The following LARS2 variants were observed in gnomAD, a reference collection of about 807,000 sequenced individuals.
LARS2 encodes leucyl-tRNA synthetase 2, mitochondrial.
LARS2 carries 81 observed loss-of-function variants against 116.6 expected under a neutral mutation model. The observed-to-expected ratio is 0.69, with a 90% CI of 0.58 to 0.84. LARS2 has a LOEUF of 0.84. LARS2 is among the 40% of genes least tolerant of loss of function. The pLI, the probability that LARS2 is intolerant of heterozygous loss-of-function variation, is 0.00. For missense variants in LARS2, 968 were observed against 1,114.5 expected (o/e 0.87, Z 1.87); for synonymous variants, 396 against 407.2 (o/e 0.97, Z 0.33).
intron 8 of LARS2, among the ~76,000 whole-genome samples, chr3:45,460,794 C>T (rs1699309343): frequency 6.6e-6 from 1 of 152,004 alleles, no homozygotes; most frequent in Middle Eastern, 3.2e-3. Context: ...ATAGTTGAGA[C>T]CCCCAAAAAG....
intron 10 of LARS2, among the ~76,000 whole-genome samples, chr3:45,478,893 A>C (rs1699656232): frequency 6.6e-6 from 1 of 152,200 alleles, no homozygotes. Flanking sequence ...CAGATTACCT[A>C]GGAATGTATG....
At chr3:45,531,755 A>G (rs1202035994) in intron 20 of LARS2, among the ~76,000 whole-genome samples, 2 of 152,210 alleles carry the variant, frequency 1.3e-5, no homozygotes, top group South Asian at 2.1e-4. Context: ...TTGTTTTGAT[A>G]TATGTACACA....
chr3:45,482,738 T>A (rs924569499), intron 10 of LARS2, among the ~76,000 whole-genome samples: 6 of 152,236 alleles, frequency 3.9e-5, no homozygotes, highest in African/African-American at 4.8e-5. Context: ...TTTCTTAGGA[T>A]ACAAGTTCAG....
chr3:45,409,609 C>G (rs2125681085), intron 4 of LARS2, among the ~76,000 whole-genome samples: 1 of 152,232 alleles, frequency 6.6e-6, no homozygotes, highest in South Asian at 2.1e-4. Context: ...TTGTTTCCCC[C>G]TTGACAGTGG....
At chr3:45,471,846 A>G (rs890501872) in intron 8 of LARS2, among the ~76,000 whole-genome samples, 2 of 152,360 alleles carry the variant, frequency 1.3e-5, no homozygotes, top group Middle Eastern at 3.4e-3. Flanking sequence ...ATTCTAGAGT[A>G]CTTAATTTTA....
chr3:45,516,924 C>A (rs569025687), intron 17 of LARS2, among the ~76,000 whole-genome samples: 1 of 152,298 alleles, frequency 6.6e-6, no homozygotes, highest in African/African-American at 2.4e-5. Flanking sequence ...TAAACCCGTC[C>A]AACAGTCATT....
chr3:45,511,748 C>G (rs578146816), intron 15 of LARS2, among the ~76,000 whole-genome samples: 53 of 151,400 alleles, frequency 3.5e-4, no homozygotes, highest in African/African-American at 1.2e-3. Context: ...TTCCCAGCCC[C>G]TTCTTGAGGC....
intron 6 of LARS2, among the ~76,000 whole-genome samples, chr3:45,434,781 G>A (rs533946781): frequency 6.6e-6 from 1 of 152,132 alleles, no homozygotes; most frequent in South Asian, 2.1e-4. Context: ...TGGATATGGA[G>A]TCCGGGATCT....
At chr3:45,520,071 CAT>C in intron 18 of LARS2, 146 bp from the exon 19 acceptor site, 1 of 619,508 alleles carries the variant, frequency 1.6e-6, no homozygotes, top group Admixed American at 2.7e-5. Context: ...GTAGATGAAA[CAT>C]AGCGATTATT....
chr3:45,406,422 G>A (rs1201997968), intron 4 of LARS2, among the ~76,000 whole-genome samples: 2 of 152,122 alleles, frequency 1.3e-5, no homozygotes, highest in African/African-American at 2.4e-5. Context: ...GAATGGGATC[G>A]GATGCTCCAC....
intron 10 of LARS2, 69 bp from the exon 11 acceptor site, chr3:45,485,622 TC>T: frequency 1.2e-6 from 1 of 816,838 alleles, no homozygotes; most frequent in Non-Finnish European, 2.0e-6. Flanking sequence ...CTCACTTGTT[TC>T]CTCTGAGATT....
chr3:45,496,473 G>A (rs1700013254), intron 14 of LARS2, 100 bp downstream of exon 14: 1 of 896,688 alleles, frequency 1.1e-6, no homozygotes, highest in Non-Finnish European at 1.8e-6. Context: ...TTTCTTGGGG[G>A]GAAATGCCTG....
At chr3:45,484,214 G>T (rs1699754696) in intron 10 of LARS2, among the ~76,000 whole-genome samples, 1 of 151,490 alleles carries the variant, frequency 6.6e-6, no homozygotes, top group African/African-American at 2.4e-5. Context: ...TTAATTTTGG[G>T]GTTTGCAAAG....
Position 45,496,339 on chromosome 3 carries a change from T to A in LARS2, c.1588T>A (p.Tyr530Asn). The A allele has an allele frequency of 6.2e-7, 1 of 1,614,082 alleles. No homozygotes were observed. Among genetic ancestry groups the A allele is most frequent in the Non-Finnish European group, 8.5e-7 (1 of 1,179,920 alleles). Residue 530 changes from tyrosine (Y) to asparagine (N), a missense_variant, in exon 14 of 22, where the codon TAC becomes AAC. Tyr to Asn is a moderately radical substitution (Grantham distance 143, BLOSUM62 -2). Transcript: ENST00000645846. ...TACCTTTGTTGATTCTGCTTGGTAC[T>A]ACTTCAGATACACTGACCCTCATAA... ...MDTFVDSAWY[Y>N]FRYTDPHNPH...
chr3:45,508,574 T>C (rs1371729606), intron 15 of LARS2, among the ~76,000 whole-genome samples: 2 of 152,036 alleles, frequency 1.3e-5, no homozygotes, highest in Non-Finnish European at 2.9e-5. Flanking sequence ...TTCAGAGATC[T>C]ATGGCCTTCA....
chr3:45,542,241 G>A (rs1211531741), intron 21 of LARS2, among the ~76,000 whole-genome samples: 3 of 152,136 alleles, frequency 2.0e-5, no homozygotes, highest in East Asian at 1.9e-4. Flanking sequence ...ACAGGTTCTC[G>A]TTATCTTCCT....
intron 3 of LARS2, among the ~76,000 whole-genome samples, chr3:45,396,224 C>T (rs1053127979): frequency 2.0e-5 from 3 of 152,186 alleles, no homozygotes; most frequent in African/African-American, 4.8e-5. Flanking sequence ...CCCCTGGCAG[C>T]CCCCTATCAG....
At chr3:45,473,937 G>A (rs2125718138) in intron 8 of LARS2, among the ~76,000 whole-genome samples, 1 of 152,294 alleles carries the variant, frequency 6.6e-6, no homozygotes, top group Admixed American at 6.5e-5. Context: ...GGGAGAGAAT[G>A]TACTAGACAC....
intron 6 of LARS2, among the ~76,000 whole-genome samples, chr3:45,436,346 CAA>C (rs573510833): frequency 1.5e-5 from 2 of 134,516 alleles, no homozygotes. Flanking sequence ...TTCTTTCTTT[CAA>C]AAAAAAAAAA....
Sources: gnomAD v4.1 joint callset for allele counts (sites outside exome capture counted in the v4.1 genomes callset) on GRCh38, gnomAD v4.1.1 for gene constraint, MANE v1.5 for transcripts, NCBI Gene and HGNC (gene_info 2026-07-23, HGNC 2026-07-21) for gene names.